GABRE: variants seen among roughly 807,000 people sequenced by gnomAD.
GABRE encodes the protein gamma-aminobutyric acid receptor subunit epsilon.
A neutral mutation model predicts 31.0 loss-of-function variants in GABRE; 20 were observed. The ratio of observed to expected loss-of-function variants is 0.64; its 90% CI spans 0.45 to 0.94. GABRE has a LOEUF of 0.94. Among genes scored for constraint, GABRE ranks in the 40% least tolerant of loss-of-function variants. The pLI, the probability that GABRE is intolerant of heterozygous loss-of-function variation, is 0.00. For synonymous variants in GABRE, 155 were observed against 150.6 expected, an observed-to-expected ratio of 1.03 and a Z score of -0.21; for missense variants, 420 against 410.7, an observed-to-expected ratio of 1.02 and a Z score of -0.20.
Position 151,954,533 on chromosome X carries a change from G to A in GABRE, c.*168C>T, listed in dbSNP as rs903725989. ...GACTCAGTGAATGGGCCAGGTAGGG[G>A]AGAGGGGCAGCAAAGACAAACCCTC... On this transcript the variant is annotated 3_prime_UTR_variant, in exon 9 of 9. Coordinates refer to ENST00000370328, the MANE Select transcript of GABRE (RefSeq NM_004961.4). 2.3e-6 allele frequency: 1 copy of A among 437,977 alleles called. No homozygotes were observed. The highest frequency in any genetic ancestry group is 4.0e-6 in the Non-Finnish European group (1 of 249,892). 36.1% of individuals were successfully genotyped at this position (437,977 alleles called of 1,213,427 possible). A position where few individuals can be genotyped will look rare whatever the true frequency, so the allele number is the denominator to read the frequency against.
At chrX:151,966,815 A>G (rs1934539373) in intron 3 of GABRE, among the ~76,000 whole-genome samples, 1 of 112,226 alleles carries the variant, frequency 8.9e-6, no homozygotes, top group East Asian at 2.8e-4. Context: ...TTACTGGCCA[A>G]AGAAAATAAA....
Position 151,954,916 on chromosome X carries a change from C to T in GABRE, c.1306G>A (p.Gly436Ser). The T allele has an allele frequency of 8.3e-7, 1 of 1,210,619 alleles. No individual in the cohort carries two copies. ...QQPPSPGSPE[G>S]PRSLCSKLAC... ...AGCTTGGAGCAGAGGCTGCGGGGACCCTCAGGGCTACCTGGGCTAGGGGGC... is the reference window on the plus strand; with the variant it reads ...AGCTTGGAGCAGAGGCTGCGGGGACTCTCAGGGCTACCTGGGCTAGGGGGC... Residue 436 changes from glycine (G) to serine (S), a missense_variant, in exon 9 of 9, where the codon GGT becomes AGT. Transcript: ENST00000370328.
intron 6 of GABRE, chrX:151,959,298 G>A (rs1934280046): frequency 1.7e-5 from 4 of 239,574 alleles, no homozygotes; most frequent in African/African-American, 1.2e-4. Context: ...CCTTTGATAA[G>A]AATCTGTGCT....
chrX:151,965,862 C>A (rs756221444), intron 3 of GABRE, among the ~76,000 whole-genome samples: 1 of 112,748 alleles, frequency 8.9e-6, no homozygotes, highest in South Asian at 3.7e-4. Context: ...GCCAGAGAAG[C>A]AGACAGAAAA....
intron 5 of GABRE, 37 bp from the exon 6 acceptor site, chrX:151,960,013 T>C (rs1193991979): frequency 8.5e-7 from 1 of 1,182,050 alleles, no homozygotes; most frequent in Admixed American, 2.2e-5. Flanking sequence ...CTTATGAGAC[T>C]TGGAAGCCCA....
rs1389460336 is a variant in GABRE at position 151,958,501 on chromosome X, C to G, written c.784+1338G>C. Reference sequence around the variant, plus strand: ...AGAGGAGAAAGAAGACCTCTTTTCTCCTCAAGAATCCTCCTCACTCCCAAG... The same window carrying G: ...AGAGGAGAAAGAAGACCTCTTTTCTGCTCAAGAATCCTCCTCACTCCCAAG... On this transcript the variant is annotated intron_variant, in intron 6 of 8. Coordinates refer to ENST00000370328, the MANE Select transcript of GABRE (RefSeq NM_004961.4). 7 of 338,022 alleles carry G rather than the reference C, an allele frequency of 2.1e-5. No individual in the cohort carries two copies. In the Admixed American group the frequency reaches 2.3e-4, roughly 11 times the overall value. 27.9% of individuals were successfully genotyped at this position (338,022 alleles called of 1,213,427 possible).
chrX:151,974,548 G>C, intron 1 of GABRE, 22 bp downstream of exon 1: 3 of 1,090,409 alleles, frequency 2.8e-6, no homozygotes, highest in Non-Finnish European at 3.7e-6. Context: ...AAGGGCTCCC[G>C]GGTCCCGGGA....
intron 7 of GABRE, 43 bp downstream of exon 7, chrX:151,955,665 C>T: frequency 1.7e-6 from 2 of 1,207,899 alleles, no homozygotes. Flanking sequence ...GCCCAGCCAA[C>T]TCCCAGCCAT....
chrX:151,965,162 G>T (rs963371177), intron 3 of GABRE, among the ~76,000 whole-genome samples: 3 of 111,616 alleles, frequency 2.7e-5, no homozygotes, highest in Admixed American at 9.5e-5. Context: ...GGGGAGCTGG[G>T]GGGGAAAGGA....
intron 3 of GABRE, 81 bp from the exon 4 acceptor site, chrX:151,962,724 C>T (rs1934423006): frequency 2.4e-6 from 2 of 820,929 alleles, no homozygotes; most frequent in African/African-American, 4.1e-5. Context: ...GTTTGCCACT[C>T]CCTAACCTAG....
chrX:151,959,889 A>C lies in GABRE; in HGVS notation c.734T>G (p.Phe245Cys). 8.3e-7 allele frequency: 1 copy of C among 1,210,501 alleles called. No individual in the cohort carries two copies. The highest frequency in any genetic ancestry group is 1.1e-6 in the Non-Finnish European group (1 of 894,249). Residue 245 changes from phenylalanine to cysteine, a missense_variant, in exon 6 of 9, where the codon TTT (phenylalanine) becomes TGT (cysteine). By Grantham distance (205) the Phe-to-Cys change is radical. Transcript: ENST00000370328. ...TTTGTTGCTCACTCCTGTAAAATCA[A>C]ACTGGAAGAGCTTCCAGGAGTTCTT... ...NEKNSWKLFQ[F>C]DFTGVSNKTE... is the part of the protein sequence containing the mutation.
intron 1 of GABRE, chrX:151,971,208 C>A: frequency 3.7e-6 from 2 of 540,551 alleles, no homozygotes; most frequent in Non-Finnish European, 5.5e-6. Context: ...CTTCTGAGGT[C>A]CTGCTCACAT....
intron 6 of GABRE, chrX:151,959,468 G>A (rs956154903): frequency 3.2e-6 from 1 of 317,426 alleles, no homozygotes; most frequent in African/African-American, 2.7e-5. Flanking sequence ...AGACTGGATT[G>A]GTTCTGGGTA....
At chrX:151,957,268 G>A (rs888783157) in intron 6 of GABRE, 2 of 228,084 alleles carry the variant, frequency 8.8e-6, no homozygotes, top group African/African-American at 5.8e-5. Flanking sequence ...GAGAAGAGCA[G>A]CCTTTCGTAC....
chrX:151,969,815 G>A, intron 2 of GABRE, 79 bp from the exon 3 acceptor site: 1 of 1,162,707 alleles, frequency 8.6e-7, no homozygotes, highest in Non-Finnish European at 1.1e-6. Context: ...CAGAGGGGAT[G>A]AAAGGGGAGT....
chrX:151,962,016 T>A (rs1233402815), intron 4 of GABRE, among the ~76,000 whole-genome samples: 2 of 111,236 alleles, frequency 1.8e-5, no homozygotes, highest in Non-Finnish European at 3.8e-5. Context: ...AATTCAAGTA[T>A]CCAACTTGAT....
intron 1 of GABRE, 129 bp from the exon 2 acceptor site, chrX:151,970,531 T>C: frequency 2.7e-6 from 2 of 739,165 alleles, no homozygotes; most frequent in Non-Finnish European, 3.9e-6. Context: ...TGACTGGTAA[T>C]AGCAAATTAT....
intron 6 of GABRE, chrX:151,957,453 A>G: frequency 3.0e-6 from 1 of 329,285 alleles, no homozygotes; most frequent in Non-Finnish European, 5.9e-6. Flanking sequence ...GCCAGAATGT[A>G]TTTATCAAAA....
intron 6 of GABRE, 36 bp downstream of exon 6, chrX:151,959,803 C>G (rs755428067): frequency 5.8e-5 from 69 of 1,199,556 alleles, no homozygotes; most frequent in Non-Finnish European, 7.5e-5. Context: ...ATCCCTACCA[C>G]CTTCCTGGAC....
Sources: allele counts gnomAD v4.1 joint callset (sites outside exome capture counted in the v4.1 genomes callset), GRCh38; gene constraint gnomAD v4.1.1; transcripts MANE v1.5; gene names NCBI Gene and HGNC (gene_info 2026-07-23, HGNC 2026-07-21).